The following PRKCSH variants were observed in gnomAD, a reference collection of about 807,000 sequenced individuals.
PRKCSH encodes PRKCSH beta subunit of glucosidase II.
Under a neutral mutation model 79.7 loss-of-function variants are expected in PRKCSH, and 42 were observed. The ratio of observed to expected loss-of-function variants is 0.53; its 90% confidence interval spans 0.41 to 0.68. PRKCSH has a LOEUF of 0.68. Among genes scored for constraint, PRKCSH ranks in the 30% least tolerant of loss-of-function variants. The pLI is 0.00. For missense variants in PRKCSH, 686 were observed against 709.0 expected, an observed-to-expected ratio of 0.97 and a Z score of 0.37; for synonymous variants, 325 against 288.2, an observed-to-expected ratio of 1.13 and a Z score of -1.29.
chr19:11,444,483 T>G (rs1004268430), intron 7 of PRKCSH, among the ~76,000 whole-genome samples: 1 of 152,162 alleles, frequency 6.6e-6, no homozygotes, highest in Admixed American at 6.6e-5. Context: ...CAGAACAGTG[T>G]CAGCCGGGTC....
intron 5 of PRKCSH, 53 bp downstream of exon 5, chr19:11,438,177 C>T (rs1466052416): frequency 7.6e-6 from 12 of 1,588,746 alleles, no homozygotes; most frequent in Non-Finnish European, 1.0e-5. Flanking sequence ...CTTTGCCTGG[C>T]TCCACCCAGT....
rs1199428701 is a variant in PRKCSH, at chr19:11,447,614, C to T, written c.1025C>T (p.Pro342Leu). The T allele has an allele frequency of 2.5e-6, 4 of 1,585,052 alleles. No individual in the cohort carries two copies. The highest frequency in any genetic ancestry group is 2.6e-6 in the Non-Finnish European group (3 of 1,166,206). ...EEDSEVQGEQ[P>L]KEAPPPLSPP... is the part of the protein sequence containing the mutation. ...GATTCCGAGGTGCAGGGGGAGCAGCCCAAGGTCCGTGTTTGGGGGAGAAGT... is the reference window on the plus strand; with the variant it reads ...GATTCCGAGGTGCAGGGGGAGCAGCTCAAGGTCCGTGTTTGGGGGAGAAGT... Residue 342 changes from proline to leucine, a missense_variant, in exon 11 of 18, where the codon CCC becomes CTC. Transcript: ENST00000677123. The surrounding 1 kb of genome is among the most constrained non-coding windows in gnomAD (Gnocchi z 5.6).
Position 11,436,514 on chromosome 19 carries a change from T to C in PRKCSH, c.196+9T>C. The C allele has an allele frequency of 6.3e-7, 1 of 1,596,310 alleles. No homozygotes were observed. The highest frequency in any genetic ancestry group is 8.6e-7 in the Non-Finnish European group (1 of 1,165,138). On this transcript the variant is annotated intron_variant, in intron 3 of 17. Coordinates refer to ENST00000677123, the MANE Select transcript of PRKCSH (RefSeq NM_001289104.2). Reference sequence around the variant, plus strand: ...TGGCTCTGACGAGCCAGGTGAGCCTTTTCTCTGTTCATCCATCAGATGTTT... The same window carrying C: ...TGGCTCTGACGAGCCAGGTGAGCCTCTTCTCTGTTCATCCATCAGATGTTT...
At position 11,449,706 on chromosome 19, in the gene PRKCSH, C is replaced by T. The variant is rs568305031; in HGVS notation, c.*16+278C>T. The T allele has an allele frequency of 3.9e-5, 18 of 458,822 alleles. No individual in the cohort carries two copies. The East Asian group carries it at 7.8e-4, about 20-fold the overall frequency. 28.4% of individuals were successfully genotyped at this position (458,822 alleles called of 1,614,324 possible). A position where few individuals can be genotyped will look rare whatever the true frequency, so the allele number is the denominator to read the frequency against. The stretch of plus-strand genomic sequence containing the variant: ...TACAGGTGTGCACCACCATGCCTGG[C>T]TAATTTTTAGTAGAGATGGGGTTTC... On this transcript the variant is annotated intron_variant, in intron 17 of 17. Transcript: ENST00000677123. The surrounding 1 kb of genome is among the most constrained non-coding windows in gnomAD (Gnocchi z 6.4).
At position 11,442,460 on chromosome 19, in the gene PRKCSH, G is replaced by C. The variant is rs370840119; in HGVS notation, c.543G>C (p.Glu181Asp). ...TGGAGATGCTGCGGACAGTGAAGGA[G>C]GAAGCTGAGAAGCCAGAGAGAGAGG... ...DQVEMLRTVK[E>D]EAEKPEREAK... The change falls in exon 7 of 18, where the codon GAG becomes GAC. Residue 181 changes from glutamate to aspartate, a missense_variant. By Grantham distance (45) the Glu-to-Asp change is conservative (BLOSUM62 2). Around this residue, in one of 2 missense-constraint regions of PRKCSH, gnomAD observed 549 missense variants for 520.2 expected, o/e 1.06. Transcript: ENST00000677123. The C allele has an allele frequency of 3.3e-5, 54 of 1,612,284 alleles. No individual in the cohort carries two copies. Among genetic ancestry groups the C allele is most frequent in the Non-Finnish European group, 4.6e-5 (54 of 1,179,466 alleles).
Position 11,449,487 on chromosome 19 carries a change from G to C in PRKCSH, c.*16+59G>C, listed in dbSNP as rs1970489423. The C allele has an allele frequency of 6.2e-6, 10 of 1,603,960 alleles. 1 individual carries two copies. The South Asian group carries it at 1.1e-4, about 18-fold the overall frequency. On this transcript the variant is annotated intron_variant, in intron 17 of 17. Transcript: ENST00000677123. This position sits in a 1 kb window ranked among gnomAD's most constrained non-coding sequence, Gnocchi z 6.4. ...CCAGCAAGGGGAGGCGGCGGGCCCT[G>C]AGGAAGATGGACCCACATGGCCACT...
At chr19:11,443,091 G>A (rs766864907) in intron 7 of PRKCSH, among the ~76,000 whole-genome samples, 1 of 151,992 alleles carries the variant, frequency 6.6e-6, no homozygotes, top group Non-Finnish European at 1.5e-5. Flanking sequence ...CCTATCAGGT[G>A]TTTGGTATTT....
chr19:11,447,261 G>C lies in PRKCSH; in HGVS notation c.849+101G>C. On this transcript the variant is annotated intron_variant, in intron 10 of 17. Coordinates refer to ENST00000677123, the MANE Select transcript of PRKCSH (RefSeq NM_001289104.2). This position sits in a 1 kb window ranked among gnomAD's most constrained non-coding sequence, Gnocchi z 5.6. ...CTGGTTCTGGCACCTGGCCACCCTG[G>C]CCAGCTGGGTGGCCCCAGCACCCCC... is the stretch of plus-strand genomic sequence containing the variant. 3 of 1,443,748 alleles carry C rather than the reference G, an allele frequency of 2.1e-6. No individual in the cohort carries two copies. Among genetic ancestry groups the C allele is most frequent in the Non-Finnish European group, 2.9e-6 (3 of 1,044,718 alleles). The allele number at this position is 1,443,748 out of a possible 1,614,324, so 89.4% of individuals were successfully genotyped here.
Position 11,446,252 on chromosome 19 carries a change from C to T in PRKCSH, c.684-20C>T, listed in dbSNP as rs368446156. 3.1e-6 allele frequency: 5 copies of T among 1,612,190 alleles called. No individual in the cohort carries two copies. The highest frequency in any genetic ancestry group is 1.3e-5 in the African/African-American group (1 of 74,954). ...ACTGGGGCCTCACCCCTCCAGTCTG[C>T]TTCTGCCACGCCCCCGCAGGGTCTC... On this transcript the variant is annotated intron_variant, in intron 8 of 17. Coordinates refer to ENST00000677123, the MANE Select transcript of PRKCSH (RefSeq NM_001289104.2).
chr19:11,445,806 T>C, intron 8 of PRKCSH: 2 of 468,414 alleles, frequency 4.3e-6, no homozygotes, highest in South Asian at 2.1e-5. Flanking sequence ...ATCCTGGCTG[T>C]GCCTCTGAGC....
Position 11,449,608 on chromosome 19 carries a change from C to T in PRKCSH, c.*16+180C>T. The T allele has an allele frequency of 1.3e-6, 1 of 746,050 alleles. No homozygotes were observed. Among genetic ancestry groups the T allele is most frequent in the Admixed American group, 2.7e-5 (1 of 37,666 alleles). The allele number at this position is 746,050 out of a possible 1,614,324, so 46.2% of individuals were successfully genotyped here. On this transcript the variant is annotated intron_variant, in intron 17 of 17. Transcript: ENST00000677123. This position sits in a 1 kb window ranked among gnomAD's most constrained non-coding sequence, Gnocchi z 6.4. ...CCCAGGCTGGAGTGCAGTGATGCGA[C>T]CTCAGCTGACTGCAACCTCTACCTC...
chr19:11,449,047 C>T lies in PRKCSH; in HGVS notation c.1362-29C>T, dbSNP rs752850442. 3.9e-5 allele frequency: 63 copies of T among 1,613,026 alleles called. No homozygotes were observed. The highest frequency in any genetic ancestry group is 8.0e-5 in the African/African-American group (6 of 74,934). On this transcript the variant is annotated intron_variant, in intron 15 of 17. Coordinates refer to ENST00000677123, the MANE Select transcript of PRKCSH (RefSeq NM_001289104.2). This position sits in a 1 kb window ranked among gnomAD's most constrained non-coding sequence, Gnocchi z 6.4. ...TCCTCCTGGTGCCCCGACACCGGCC[C>T]AGCCCTCAGCACCCTGTGTCTCTCA...
Position 11,449,609 on chromosome 19 carries a change from C to T in PRKCSH, c.*16+181C>T, listed in dbSNP as rs1224417923. The T allele has an allele frequency of 5.4e-6, 4 of 738,662 alleles. No individual in the cohort carries two copies. The highest frequency in any genetic ancestry group is 8.7e-6 in the Non-Finnish European group (4 of 459,086). 45.8% of individuals were successfully genotyped at this position (738,662 alleles called of 1,614,324 possible). Reference sequence around the variant, plus strand: ...CCAGGCTGGAGTGCAGTGATGCGACCTCAGCTGACTGCAACCTCTACCTCC... The same window carrying T: ...CCAGGCTGGAGTGCAGTGATGCGACTTCAGCTGACTGCAACCTCTACCTCC... On this transcript the variant is annotated intron_variant, in intron 17 of 17. Transcript: ENST00000677123. The surrounding 1 kb of genome is among the most constrained non-coding windows in gnomAD (Gnocchi z 6.4).
rs1165378622 is a variant in PRKCSH at position 11,447,811 on chromosome 19, G to A, written c.1126+22G>A. On this transcript the variant is annotated intron_variant, in intron 12 of 17. Coordinates refer to ENST00000677123, the MANE Select transcript of PRKCSH (RefSeq NM_001289104.2). This position sits in a 1 kb window ranked among gnomAD's most constrained non-coding sequence, Gnocchi z 5.6. ...GATGGTGAGGGTGGGCGGGGGCCAGGCTCCTCGGGTGGGCCCAGCGTTTCC... is the reference window on the plus strand; with the variant it reads ...GATGGTGAGGGTGGGCGGGGGCCAGACTCCTCGGGTGGGCCCAGCGTTTCC... The A allele has an allele frequency of 6.5e-6, 10 of 1,543,488 alleles. No individual in the cohort carries two copies. Among genetic ancestry groups the A allele is most frequent in the African/African-American group, 1.4e-5 (1 of 73,066 alleles).
intron 6 of PRKCSH, 24 bp downstream of exon 6, chr19:11,441,381 C>T: frequency 1.2e-6 from 2 of 1,609,568 alleles, no homozygotes; most frequent in Non-Finnish European, 1.7e-6. Context: ...GGGGGCTGCC[C>T]CAGGGTGATC....
chr19:11,442,167 G>A (rs565659064), intron 6 of PRKCSH, among the ~76,000 whole-genome samples: 2 of 152,322 alleles, frequency 1.3e-5, no homozygotes, highest in East Asian at 3.9e-4. Context: ...TGGAGAATCA[G>A]GCAGGGGCCT....
At chr19:11,443,298 A>G (rs921545523) in intron 7 of PRKCSH, among the ~76,000 whole-genome samples, 10 of 152,214 alleles carry the variant, frequency 6.6e-5, no homozygotes, top group Non-Finnish European at 1.3e-4. Flanking sequence ...CTGTAATCCC[A>G]GCACTTTGGG....
chr19:11,441,144 T>G (rs1599490774), intron 5 of PRKCSH, 96 bp from the exon 6 acceptor site: 1 of 1,205,538 alleles, frequency 8.3e-7, no homozygotes, highest in South Asian at 1.2e-5. Flanking sequence ...CATGGCTTGG[T>G]GGGGGGCCAC....
Position 11,447,309 on chromosome 19 carries a change from C to T in PRKCSH, c.850-130C>T. 9 of 1,330,244 alleles carry T rather than the reference C, an allele frequency of 6.8e-6. No individual in the cohort carries two copies. In the South Asian group the frequency reaches 1.1e-4, roughly 17 times the overall value. The allele number at this position is 1,330,244 out of a possible 1,614,324, so 82.4% of individuals were successfully genotyped here. On this transcript the variant is annotated intron_variant, in intron 10 of 17. Coordinates refer to ENST00000677123, the MANE Select transcript of PRKCSH (RefSeq NM_001289104.2). This position sits in a 1 kb window ranked among gnomAD's most constrained non-coding sequence, Gnocchi z 5.6. ...CCCCACCGAGACCCCCCGACCCCAGCTGTCGGTCCTCCCTGCAGGCCCCGC... is the reference window on the plus strand; with the variant it reads ...CCCCACCGAGACCCCCCGACCCCAGTTGTCGGTCCTCCCTGCAGGCCCCGC...
Sources: allele counts gnomAD v4.1 joint callset (sites outside exome capture counted in the v4.1 genomes callset), GRCh38; gene constraint gnomAD v4.1.1; regional missense constraint gnomAD v4.1.1; non-coding constraint Gnocchi (gnomAD v3.1); transcripts MANE v1.5; gene names NCBI Gene and HGNC (gene_info 2026-07-23, HGNC 2026-07-21).